Variants in C14orf119 observed in about 807,000 individuals in gnomAD.
C14orf119 encodes chromosome 14 open reading frame 119.
In C14orf119, 17 loss-of-function variants were observed where a neutral mutation model predicts 13.5. The ratio of observed to expected loss-of-function variants is 1.26; its 90% CI spans 0.86 to 1.88. The LOEUF (loss-of-function observed/expected upper bound fraction) is 1.88, where lower values mean the gene tolerates loss of function less well. Ranked by LOEUF, C14orf119 falls within the 40% of genes most tolerant of loss-of-function variation. C14orf119 has a pLI of 0.00. For missense variants in C14orf119, 162 were observed against 165.9 expected, an observed-to-expected ratio of 0.98 and a Z score of 0.13; for synonymous variants, 61 against 61.9, an observed-to-expected ratio of 0.99 and a Z score of 0.07.
In C14orf119 at chr14:23,100,312, G is replaced by A. The variant is rs916859728; in HGVS notation, c.*2231G>A. 4.9e-6 allele frequency: 2 copies of A among 404,840 alleles called. No homozygotes were observed. Among genetic ancestry groups the A allele is most frequent in the East Asian group, 3.6e-5 (1 of 27,428 alleles). The allele number at this position is 404,840 out of a possible 1,614,324, so 25.1% of individuals were successfully genotyped here. A position where few individuals can be genotyped will look rare whatever the true frequency, so the allele number is the denominator to read the frequency against. ...ACTAAGATCCCTATGTCCTAGAGATGGGGGAATGTGTTATTGTATGGGAGG... is the reference window on the plus strand; with the variant it reads ...ACTAAGATCCCTATGTCCTAGAGATAGGGGAATGTGTTATTGTATGGGAGG... On this transcript the variant is annotated 3_prime_UTR_variant, in exon 2 of 2. Transcript: ENST00000319074.
At chr14:23,095,673 T>A (rs2048358774) in intron 1 of C14orf119, 54 bp downstream of exon 1, 1 of 203,010 alleles carries the variant, frequency 4.9e-6, no homozygotes, top group African/African-American at 2.3e-5. Context: ...TGTTTGCGGA[T>A]TACCTTAATA....
At chr14:23,095,862 G>A (rs1177489071) in intron 1 of C14orf119, among the ~76,000 whole-genome samples, 1 of 152,164 alleles carries the variant, frequency 6.6e-6, no homozygotes, top group Non-Finnish European at 1.5e-5. Context: ...ACTATGAACT[G>A]ATCTATGACG....
rs2048415486 is a variant in C14orf119 at position 23,099,724 on chromosome 14, C to T, written c.*1643C>T. On this transcript the variant is annotated 3_prime_UTR_variant, in exon 2 of 2. Coordinates refer to ENST00000319074, the MANE Select transcript of C14orf119 (RefSeq NM_017924.4). ...ACAGGCGCACGCCGCACCACCACGT[C>T]TGGCTAAGGGGCTTTACCCTTAAAG... 3.2e-6 allele frequency: 1 copy of T among 315,816 alleles called. No individual in the cohort carries two copies. The highest frequency in any genetic ancestry group is 6.0e-6 in the Non-Finnish European group (1 of 165,774). 19.6% of individuals were successfully genotyped at this position (315,816 alleles called of 1,614,324 possible). A position where few individuals can be genotyped will look rare whatever the true frequency, so the allele number is the denominator to read the frequency against.
rs2048400594 is a variant in C14orf119 at position 23,098,082 on chromosome 14, T to C, written c.*1T>C. The C allele has an allele frequency of 6.8e-6, 11 of 1,612,126 alleles. No individual in the cohort carries two copies. Among genetic ancestry groups the C allele is most frequent in the African/African-American group, 1.3e-5 (1 of 74,994 alleles). ...GGCTGCTACAGCTGGTAAGGACTGA[T>C]AGGCATTCAGACCAAAGAAGATAAC... is the stretch of plus-strand genomic sequence containing the variant. On this transcript the variant is annotated 3_prime_UTR_variant, in exon 2 of 2. Coordinates refer to ENST00000319074, the MANE Select transcript of C14orf119 (RefSeq NM_017924.4).
At chr14:23,096,893 T>C (rs2048385119) in intron 1 of C14orf119, among the ~76,000 whole-genome samples, 1 of 152,166 alleles carries the variant, frequency 6.6e-6, no homozygotes, top group South Asian at 2.1e-4. Context: ...CCATACTAAA[T>C]ATTAAGGACA....
In C14orf119 at chr14:23,099,607, T is replaced by C; in HGVS notation, c.*1526T>C. 2.6e-6 allele frequency: 1 copy of C among 387,984 alleles called. No homozygotes were observed. Among genetic ancestry groups the C allele is most frequent in the Non-Finnish European group, 4.6e-6 (1 of 217,542 alleles). The allele number at this position is 387,984 out of a possible 1,614,324, so 24.0% of individuals were successfully genotyped here. On this transcript the variant is annotated 3_prime_UTR_variant, in exon 2 of 2. Coordinates refer to ENST00000319074, the MANE Select transcript of C14orf119 (RefSeq NM_017924.4). ...CAAGGTCTTGGTCTGTTGCCCAGGC[T>C]GGAGTGCAGTGGTGTGATCTTGGCT...
Position 23,098,107 on chromosome 14 carries a change from C to T in C14orf119, c.*26C>T, listed in dbSNP as rs199806147. On this transcript the variant is annotated 3_prime_UTR_variant, in exon 2 of 2. Coordinates refer to ENST00000319074, the MANE Select transcript of C14orf119 (RefSeq NM_017924.4). ...TAGGCATTCAGACCAAAGAAGATAA[C>T]CATAGCTGATGGAGCCATGACTCTC... 6.3e-7 allele frequency: 1 copy of T among 1,598,030 alleles called. No homozygotes were observed. The highest frequency in any genetic ancestry group is 1.7e-5 in the Admixed American group (1 of 59,364).
In C14orf119 at chr14:23,099,399, T is replaced by C. The variant is rs2048411823; in HGVS notation, c.*1318T>C. ...TTTTCTGGTAGGCTGTGGTTCCCAT[T>C]ACACCCACCAGGATTAGCAGCATTA... On this transcript the variant is annotated 3_prime_UTR_variant, in exon 2 of 2. Coordinates refer to ENST00000319074, the MANE Select transcript of C14orf119 (RefSeq NM_017924.4). The C allele has an allele frequency of 2.4e-6, 1 of 413,324 alleles. No homozygotes were observed. Among genetic ancestry groups the C allele is most frequent in the Non-Finnish European group, 4.4e-6 (1 of 226,182 alleles). 25.6% of individuals were successfully genotyped at this position (413,324 alleles called of 1,614,324 possible).
rs751983871 is a variant in C14orf119 at position 23,099,166 on chromosome 14, C to T, written c.*1085C>T. On this transcript the variant is annotated 3_prime_UTR_variant, in exon 2 of 2. Coordinates refer to ENST00000319074, the MANE Select transcript of C14orf119 (RefSeq NM_017924.4). ...TGCCAGGCTATATAATATTGACAAC[C>T]GGGGAAAGAGGCATTCCAAAGAAAG... is the stretch of plus-strand genomic sequence containing the variant. 50 of 411,656 alleles carry T rather than the reference C, an allele frequency of 1.2e-4. No homozygotes were observed. The highest frequency in any genetic ancestry group is 1.9e-4 in the Non-Finnish European group (42 of 225,686). The allele number at this position is 411,656 out of a possible 1,614,324, so 25.5% of individuals were successfully genotyped here.
At position 23,098,336 on chromosome 14, in the gene C14orf119, C is replaced by T. The variant is rs1019868977; in HGVS notation, c.*255C>T. The T allele has an allele frequency of 5.5e-5, 25 of 450,524 alleles. No individual in the cohort carries two copies. The highest frequency in any genetic ancestry group is 9.6e-5 in the Non-Finnish European group (23 of 238,780). The allele number at this position is 450,524 out of a possible 1,614,324, so 27.9% of individuals were successfully genotyped here. On this transcript the variant is annotated 3_prime_UTR_variant, in exon 2 of 2. Transcript: ENST00000319074. ...TGCTTCTTTCCGAGAGATGTCAAGT[C>T]CTCAAGAATTTGATGGCTTCTTCTG...
At position 23,098,107 on chromosome 14, in the gene C14orf119, C is replaced by A. The variant is rs199806147; in HGVS notation, c.*26C>A. On this transcript the variant is annotated 3_prime_UTR_variant, in exon 2 of 2. Transcript: ENST00000319074. ...TAGGCATTCAGACCAAAGAAGATAA[C>A]CATAGCTGATGGAGCCATGACTCTC... is the stretch of plus-strand genomic sequence containing the variant. The A allele has an allele frequency of 3.1e-6, 5 of 1,598,030 alleles. No homozygotes were observed. In the East Asian group the frequency reaches 1.1e-4, roughly 36 times the overall value.
At chr14:23,097,175 GT>G (rs1298630288) in intron 1 of C14orf119, among the ~76,000 whole-genome samples, 13 of 147,892 alleles carry the variant, frequency 8.8e-5, no homozygotes, top group African/African-American at 3.2e-4. Context: ...CATAAATAAT[GT>G]TTTTTCTTTC....
Position 23,099,040 on chromosome 14 carries a change from A to G in C14orf119, c.*959A>G, listed in dbSNP as rs1245215333. On this transcript the variant is annotated 3_prime_UTR_variant, in exon 2 of 2. Transcript: ENST00000319074. ...TCCTATTCTGTAAGTTTGCTTTACA[A>G]CAATACGAAAATAAGTGACAATTTA... 6.1e-6 allele frequency: 2 copies of G among 326,842 alleles called. No individual in the cohort carries two copies. Among genetic ancestry groups the G allele is most frequent in the Non-Finnish European group, 1.2e-5 (2 of 171,850 alleles). The allele number at this position is 326,842 out of a possible 1,614,324, so 20.2% of individuals were successfully genotyped here.
At position 23,095,508 on chromosome 14, in the gene C14orf119, G is replaced by A. The variant is rs2048355346; in HGVS notation, c.-113G>A. On this transcript the variant is annotated 5_prime_UTR_variant, in exon 1 of 2. Coordinates refer to ENST00000319074, the MANE Select transcript of C14orf119 (RefSeq NM_017924.4). Reference sequence around the variant, plus strand: ...GCGGGTCCGAGGCCGGAAGTGCGTGGGCTGCCGGGCTGGCCCAGCTTAGGG... The same window carrying A: ...GCGGGTCCGAGGCCGGAAGTGCGTGAGCTGCCGGGCTGGCCCAGCTTAGGG... 3 of 586,526 alleles carry A rather than the reference G, an allele frequency of 5.1e-6. No homozygotes were observed. The highest frequency in any genetic ancestry group is 7.1e-5 in the Admixed American group (2 of 28,288). The allele number at this position is 586,526 out of a possible 1,614,324, so 36.3% of individuals were successfully genotyped here.
At position 23,098,163 on chromosome 14, in the gene C14orf119, C is replaced by G. The variant is rs1415703850; in HGVS notation, c.*82C>G. ...TGATAACTCAATTCAAATGTGTCGC[C>G]TAAAGCTCTGGAACTGGTATTCCAA... On this transcript the variant is annotated 3_prime_UTR_variant, in exon 2 of 2. Coordinates refer to ENST00000319074, the MANE Select transcript of C14orf119 (RefSeq NM_017924.4). 6.8e-7 allele frequency: 1 copy of G among 1,469,848 alleles called. No individual in the cohort carries two copies. The highest frequency in any genetic ancestry group is 1.4e-5 in the African/African-American group (1 of 71,476). 91.1% of individuals were successfully genotyped at this position (1,469,848 alleles called of 1,614,324 possible).
chr14:23,096,746 T>C (rs1010499687), intron 1 of C14orf119, among the ~76,000 whole-genome samples: 1 of 151,836 alleles, frequency 6.6e-6, no homozygotes, highest in Non-Finnish European at 1.5e-5. Flanking sequence ...TCAACTAATT[T>C]TTTTATTTTT....
At chr14:23,097,240 A>C (rs1276668563) in intron 1 of C14orf119, among the ~76,000 whole-genome samples, 1 of 152,232 alleles carries the variant, frequency 6.6e-6, no homozygotes, top group East Asian at 1.9e-4. Context: ...GACCAGCTGC[A>C]CGTACTAGAT....
At chr14:23,096,259 A>G (rs1225886147) in intron 1 of C14orf119, among the ~76,000 whole-genome samples, 1 of 152,172 alleles carries the variant, frequency 6.6e-6, no homozygotes, top group Non-Finnish European at 1.5e-5. Context: ...GCTTACGCCT[A>G]TAATCCCAGC....
Position 23,097,858 on chromosome 14 carries a change from C to T in C14orf119, c.200C>T (p.Pro67Leu). 6.2e-7 allele frequency: 1 copy of T among 1,614,212 alleles called. No homozygotes were observed. The highest frequency in any genetic ancestry group is 1.1e-5 in the South Asian group (1 of 91,084). The change falls in exon 2 of 2, where the codon CCA (proline) becomes CTA (leucine). Residue 67 changes from proline to leucine, a missense_variant. By Grantham distance (98) the Pro-to-Leu change is moderately conservative. Transcript: ENST00000319074. ...GAGGACCTGGTAGCTAAGGCAGTGC[C>T]AGAAAAATTACAACCACTGCTGGAT... ...FLEDLVAKAV[P>L]EKLQPLLDSL...
Sources: allele counts gnomAD v4.1 joint callset (sites outside exome capture counted in the v4.1 genomes callset), GRCh38; gene constraint gnomAD v4.1.1; transcripts MANE v1.5; gene names NCBI Gene and HGNC (gene_info 2026-07-23, HGNC 2026-07-21).